Variants in GFM1 observed in about 807,000 individuals in gnomAD.
GFM1 encodes the protein elongation factor G, mitochondrial.
GFM1 carries 62 observed loss-of-function variants against 96.2 expected under a neutral mutation model. The ratio of observed to expected loss-of-function variants is 0.64; its 90% CI spans 0.53 to 0.80. GFM1 has a LOEUF of 0.80. Among genes scored for constraint, GFM1 ranks in the 30% least tolerant of loss-of-function variants. GFM1 has a pLI of 0.00. For synonymous variants in GFM1, 282 were observed against 312.9 expected (o/e 0.90, Z 1.04); for missense variants, 852 against 916.6 (o/e 0.93, Z 0.91).
rs148761507 is a variant in GFM1, at chr3:158,657,654, T to G, written c.1084-1268T>G. The G allele has an allele frequency of 3.1e-3, 469 of 152,108 alleles. 2 individuals are homozygous for G. The highest frequency in any genetic ancestry group is 0.01 in the African/African-American group (432 of 41,494). 9.4% of individuals were successfully genotyped at this position (152,108 alleles called of 1,614,324 possible). A position where few individuals can be genotyped will look rare whatever the true frequency, so the allele number is the denominator to read the frequency against. ...CTTTCGTTCCTTCTACTTCTTTATG[T>G]TTTTTTTCTTTCCCCATCATTAATT... On this transcript the variant is annotated intron_variant, in intron 8 of 17. Transcript: ENST00000486715.
At position 158,691,750 on chromosome 3, in the gene GFM1, G is replaced by A. The variant is rs1726341691; in HGVS notation, c.*283G>A. The A allele has an allele frequency of 7.1e-6, 2 of 281,968 alleles. No individual in the cohort carries two copies. Among genetic ancestry groups the A allele is most frequent in the Non-Finnish European group, 1.4e-5 (2 of 146,474 alleles). 17.5% of individuals were successfully genotyped at this position (281,968 alleles called of 1,614,324 possible). ...ACTGAAATATGTTTAATATTTAAGG[G>A]GAAAAGAGACTAATTTCAGTTATAC... On this transcript the variant is annotated 3_prime_UTR_variant, in exon 18 of 18. Transcript: ENST00000486715.
At chr3:158,654,696 C>A in intron 8 of GFM1, 65 bp downstream of exon 8, 1 of 1,030,284 alleles carries the variant, frequency 9.7e-7, no homozygotes, top group Non-Finnish European at 1.5e-6. Flanking sequence ...GGCTTTATTC[C>A]TATTACAGAA....
chr3:158,670,510 G>T (rs1724177730), intron 13 of GFM1, among the ~76,000 whole-genome samples: 1 of 152,112 alleles, frequency 6.6e-6, no homozygotes, highest in Non-Finnish European at 1.5e-5. Flanking sequence ...GTGTAGTTTG[G>T]TAGAAATAAT....
rs1333082061 is a variant in GFM1, at chr3:158,691,595, T to C, written c.*128T>C. On this transcript the variant is annotated 3_prime_UTR_variant, in exon 18 of 18. Coordinates refer to ENST00000486715, the MANE Select transcript of GFM1 (RefSeq NM_024996.7). ...TGAGCCCAGGAAGCGGGCTCTTCTT[T>C]CTTCAAAAGAAGCCCTTCTTGTTCA... 1.0e-6 allele frequency: 1 copy of C among 991,186 alleles called. No homozygotes were observed. The highest frequency in any genetic ancestry group is 1.6e-5 in the African/African-American group (1 of 60,928). 61.4% of individuals were successfully genotyped at this position (991,186 alleles called of 1,614,324 possible).
chr3:158,692,283 G>A lies in GFM1; in HGVS notation c.*816G>A, dbSNP rs1726382656. On this transcript the variant is annotated 3_prime_UTR_variant, in exon 18 of 18. Transcript: ENST00000486715. ...CCTTGCATATACTATTCTTGTTTGT[G>A]TTCATCTTAATGTTTTTGTACAGCT... The A allele has an allele frequency of 6.6e-6, 1 of 152,154 alleles. No homozygotes were observed. The highest frequency in any genetic ancestry group is 2.1e-4 in the South Asian group (1 of 4,830). The allele number at this position is 152,154 out of a possible 1,614,324, so 9.4% of individuals were successfully genotyped here.
chr3:158,644,884 T>G, intron 1 of GFM1, 169 bp downstream of exon 1: 1 of 654,136 alleles, frequency 1.5e-6, no homozygotes, highest in Admixed American at 2.4e-5. Context: ...ATTAGCTCGT[T>G]AGCTCGTTTG....
intron 13 of GFM1, among the ~76,000 whole-genome samples, chr3:158,679,052 C>T (rs74471146): frequency 0.024 from 3,668 of 152,282 alleles, 151 homozygotes; most frequent in African/African-American, 0.085. Context: ...CCTGCAGCAG[C>T]CATCACCTTG....
At chr3:158,686,303 TATATA>T (rs1725836886) in intron 15 of GFM1, among the ~76,000 whole-genome samples, 1 of 147,964 alleles carries the variant, frequency 6.8e-6, no homozygotes, top group Non-Finnish European at 1.5e-5. Flanking sequence ...TATATATAAA[TATATA>T]ATATGTATAA....
At position 158,694,014 on chromosome 3, in the gene GFM1, CTGTT is replaced by C; in HGVS notation, c.*2549_*2552del. 6.6e-6 allele frequency among the ~76,000 whole-genome samples: 1 copy of C among 151,596 alleles called. No individual in the cohort carries two copies. The highest frequency in any genetic ancestry group is 1.9e-4 in the East Asian group (1 of 5,178). ...AGAGTTTGGTTTTTTTGTTTAACAA[CTGTT>C]TTTTTTTTTAAGAGATGGGGTCTTC... On this transcript the variant is annotated 3_prime_UTR_variant, in exon 18 of 18. Transcript: ENST00000486715.
Position 158,692,718 on chromosome 3 carries a change from G to A in GFM1, c.*1251G>A, listed in dbSNP as rs779326528. 2 of 150,906 alleles carry A rather than the reference G, an allele frequency of 1.3e-5. No individual in the cohort carries two copies. The highest frequency in any genetic ancestry group is 1.5e-5 in the Non-Finnish European group (1 of 67,866). 9.3% of individuals were successfully genotyped at this position (150,906 alleles called of 1,614,324 possible). A position where few individuals can be genotyped will look rare whatever the true frequency, so the allele number is the denominator to read the frequency against. Reference sequence around the variant, plus strand: ...TTAATTTTTATTTTTTTGTGGTAGGGTCTCACTCTATCCCCCAGGCTGGAA... The same window carrying A: ...TTAATTTTTATTTTTTTGTGGTAGGATCTCACTCTATCCCCCAGGCTGGAA... On this transcript the variant is annotated 3_prime_UTR_variant, in exon 18 of 18. Transcript: ENST00000486715.
chr3:158,685,932 G>A (rs1386312377), intron 15 of GFM1, among the ~76,000 whole-genome samples: 2 of 151,950 alleles, frequency 1.3e-5, no homozygotes, highest in Non-Finnish European at 2.9e-5. Context: ...AAATTAGAAA[G>A]TACTGATTGT....
At chr3:158,656,073 G>C (rs1722728698) in intron 8 of GFM1, 1 of 362,670 alleles carries the variant, frequency 2.8e-6, no homozygotes, top group Non-Finnish European at 5.5e-6. Flanking sequence ...CTGCCATCGA[G>C]GTGAAGTGTT....
At position 158,673,063 on chromosome 3, in the gene GFM1, G is replaced by A. The variant is rs188488880; in HGVS notation, c.1601+6677G>A. 3.9e-5 allele frequency among the ~76,000 whole-genome samples: 6 copies of A among 152,208 alleles called. No homozygotes were observed. In the East Asian group the frequency reaches 7.8e-4, roughly 20 times the overall value. On this transcript the variant is annotated intron_variant, in intron 13 of 17. Coordinates refer to ENST00000486715, the MANE Select transcript of GFM1 (RefSeq NM_024996.7). Reference sequence around the variant, plus strand: ...CTTCATTTCCCTTCCCCTTATGAGAGTCCAGGAAGAGGCTTGCTCATCCTC... The same window carrying A: ...CTTCATTTCCCTTCCCCTTATGAGAATCCAGGAAGAGGCTTGCTCATCCTC...
chr3:158,668,855 G>A, intron 13 of GFM1: 1 of 673,164 alleles, frequency 1.5e-6, no homozygotes, highest in Non-Finnish European at 2.4e-6. Flanking sequence ...AATCTTGATT[G>A]TACCTGACCT....
At chr3:158,657,696 T>C (rs766491864) in intron 8 of GFM1, among the ~76,000 whole-genome samples, 1 of 152,176 alleles carries the variant, frequency 6.6e-6, no homozygotes, top group Non-Finnish European at 1.5e-5. Flanking sequence ...GAATTTGTTT[T>C]AGTGGGTAGG....
At chr3:158,669,045 G>A in intron 13 of GFM1, 1 of 1,613,490 alleles carries the variant, frequency 6.2e-7, no homozygotes, top group Non-Finnish European at 8.5e-7. Context: ...TGTGTCTTCA[G>A]TAGAATTTTG....
chr3:158,667,108 C>G (rs1183321717), intron 13 of GFM1: 3 of 1,531,634 alleles, frequency 2.0e-6, no homozygotes, highest in Non-Finnish European at 2.6e-6. Flanking sequence ...TTGTTTAAAA[C>G]TTAATATCTT....
At chr3:158,686,023 CA>C (rs1179187427) in intron 15 of GFM1, among the ~76,000 whole-genome samples, 5 of 151,724 alleles carry the variant, frequency 3.3e-5, no homozygotes, top group Admixed American at 6.6e-5. Flanking sequence ...ATATGGTTAT[CA>C]ATTAACAAGG....
At position 158,654,573 on chromosome 3, in the gene GFM1, T is replaced by A. The variant is rs146827771; in HGVS notation, c.1025T>A (p.Leu342Gln). The change falls in exon 8 of 18, where the codon CTA becomes CAA. Residue 342 changes from leucine to glutamine, a missense_variant. Transcript: ENST00000486715. ...GACTCAAAAGAGAAAACCAAAATCCTAATGAACTCCAGTAGAGACAATTCC... is the reference window on the plus strand; with the variant it reads ...GACTCAAAAGAGAAAACCAAAATCCAAATGAACTCCAGTAGAGACAATTCC... ...EDDSKEKTKI[L>Q]MNSSRDNSHP... 6 of 1,612,388 alleles carry A rather than the reference T, an allele frequency of 3.7e-6. No individual in the cohort carries two copies. Among genetic ancestry groups the A allele is most frequent in the Non-Finnish European group, 5.1e-6 (6 of 1,178,544 alleles).
Sources: allele counts gnomAD v4.1 joint callset (sites outside exome capture counted in the v4.1 genomes callset), GRCh38; gene constraint gnomAD v4.1.1; transcripts MANE v1.5; gene names NCBI Gene and HGNC (gene_info 2026-07-23, HGNC 2026-07-21).